LILRB4: variants seen among roughly 807,000 people sequenced by gnomAD.
LILRB4 encodes the protein leukocyte immunoglobulin-like receptor subfamily B member 4.
A neutral mutation model predicts 55.2 loss-of-function variants in LILRB4; 49 were observed. The observed-to-expected ratio is 0.89, with a 90% CI of 0.71 to 1.13. The LOEUF (loss-of-function observed/expected upper bound fraction) is 1.13, where lower values mean the gene tolerates loss of function less well. LILRB4 is among the 50% of genes most tolerant of loss of function. The pLI, the probability that LILRB4 is intolerant of heterozygous loss-of-function variation, is 0.00. For synonymous variants in LILRB4, 229 were observed against 213.8 expected (o/e 1.07, Z -0.62); for missense variants, 590 against 555.2 (o/e 1.06, Z -0.63).
In LILRB4 at chr19:54,666,113, TA is replaced by T; in HGVS notation, c.875-124del. 2 of 1,265,226 alleles carry T rather than the reference TA, an allele frequency of 1.6e-6. No homozygotes were observed. Among genetic ancestry groups the T allele is most frequent in the Non-Finnish European group, 2.2e-6 (2 of 909,006 alleles). The allele number at this position is 1,265,226 out of a possible 1,614,324, so 78.4% of individuals were successfully genotyped here. On this transcript the variant is annotated intron_variant, in intron 7 of 11. Coordinates refer to ENST00000430952, the Ensembl canonical transcript of LILRB4. This position sits in a 1 kb window ranked among gnomAD's most constrained non-coding sequence, Gnocchi z 4.8. ...AAGTGCTTTATTCTTTCGGTTTTTCTAAACTTAGAAAGTATTTAAAACATCC... is the reference window on the plus strand; with the variant it reads ...AAGTGCTTTATTCTTTCGGTTTTTCTAACTTAGAAAGTATTTAAAACATCC...
chr19:54,665,075 G>A lies in LILRB4; in HGVS notation c.707-55G>A, dbSNP rs749855180. ...GAAGGAGATGTTGCGGGGAGAAGCC[G>A]AGCTGATGTGGGGAGCAGGGCAGCC... On this transcript the variant is annotated intron_variant, in intron 5 of 11. Coordinates refer to ENST00000430952, the Ensembl canonical transcript of LILRB4. This position sits in a 1 kb window ranked among gnomAD's most constrained non-coding sequence, Gnocchi z 5.5. 1.6e-5 allele frequency: 25 copies of A among 1,599,084 alleles called. No homozygotes were observed. The highest frequency in any genetic ancestry group is 6.7e-5 in the South Asian group (6 of 90,210).
chr19:54,664,345 G>A (rs746919447), exon 4 of LILRB4: 45 of 1,613,980 alleles, frequency 2.8e-5, no homozygotes, highest in South Asian at 5.5e-5. Flanking sequence ...TCAGAGCACG[G>A]AGCTCAGCAG....
At position 54,666,836 on chromosome 19, in the gene LILRB4, C is replaced by T; in HGVS notation, c.1041+87C>T. On this transcript the variant is annotated intron_variant, in intron 10 of 11. Coordinates refer to ENST00000430952, the Ensembl canonical transcript of LILRB4. This position sits in a 1 kb window ranked among gnomAD's most constrained non-coding sequence, Gnocchi z 4.8. Reference sequence around the variant, plus strand: ...GACTTCTCTGTCCTCCTTCCCCCGGCTCTCAGCATCGTCACGGTGGACCCC... The same window carrying T: ...GACTTCTCTGTCCTCCTTCCCCCGGTTCTCAGCATCGTCACGGTGGACCCC... 1 of 1,303,448 alleles carries T rather than the reference C, an allele frequency of 7.7e-7. No homozygotes were observed. The allele number at this position is 1,303,448 out of a possible 1,614,324, so 80.7% of individuals were successfully genotyped here.
At chr19:54,664,803 C>T (rs2065189990) in exon 5 of LILRB4, 1 of 1,591,974 alleles carries the variant, frequency 6.3e-7, no homozygotes, top group East Asian at 2.2e-5. Context: ...ACCCAGGATC[C>T]TTGGAGGGTC....
exon 12 of LILRB4, chr19:54,668,268 A>G: frequency 2.0e-6 from 1 of 498,236 alleles, no homozygotes; most frequent in African/African-American, 1.9e-5. Flanking sequence ...GAAGTCAGAC[A>G]ATGTTTTAAA....
rs908266342 is a variant in LILRB4 at position 54,664,779 on chromosome 19, C to T, written c.656-20C>T. On this transcript the variant is annotated intron_variant, in intron 4 of 11. Coordinates refer to ENST00000430952, the Ensembl canonical transcript of LILRB4. ...AAGGGCAACCCCAGACTCTCACCCT[C>T]CTCTTGTCCTTCTACCCAGGATCCT... 6.4e-7 allele frequency: 1 copy of T among 1,556,780 alleles called. No homozygotes were observed. Among genetic ancestry groups the T allele is most frequent in the Non-Finnish European group, 8.7e-7 (1 of 1,148,986 alleles).
In LILRB4 at chr19:54,667,514, G is replaced by C. The variant is rs925542608; in HGVS notation, c.1042-124G>C. 3 of 1,533,438 alleles carry C rather than the reference G, an allele frequency of 2.0e-6. No homozygotes were observed. In the South Asian group the frequency reaches 3.9e-5, roughly 20 times the overall value. 95.0% of individuals were successfully genotyped at this position (1,533,438 alleles called of 1,614,324 possible). A position where few individuals can be genotyped will look rare whatever the true frequency, so the allele number is the denominator to read the frequency against. On this transcript the variant is annotated intron_variant, in intron 10 of 11. Transcript: ENST00000430952. ...GCGGCCAGACCCTCCACGGCCTTAG[G>C]GCATCCCTGAGATTCCGTCAGGAAA...
At chr19:54,667,180 A>G in intron 10 of LILRB4, 2 of 551,894 alleles carry the variant, frequency 3.6e-6, no homozygotes, top group Non-Finnish European at 7.1e-6. Context: ...GGGAGACAAA[A>G]TGCAAATAAA....
chr19:54,665,213 G>A lies in LILRB4; in HGVS notation c.757+33G>A. Reference sequence around the variant, plus strand: ...AGGGGCTCTGAGTGGGAGGTGGGCAGGGTCTAGGGGAGCCAAGGGTGGGTT... The same window carrying A: ...AGGGGCTCTGAGTGGGAGGTGGGCAAGGTCTAGGGGAGCCAAGGGTGGGTT... On this transcript the variant is annotated intron_variant, in intron 6 of 11. Coordinates refer to ENST00000430952, the Ensembl canonical transcript of LILRB4. The surrounding 1 kb of genome is among the most constrained non-coding windows in gnomAD (Gnocchi z 5.5). 1 of 1,569,968 alleles carries A rather than the reference G, an allele frequency of 6.4e-7. No homozygotes were observed. The highest frequency in any genetic ancestry group is 8.7e-7 in the Non-Finnish European group (1 of 1,155,232).
rs762455976 is a variant in LILRB4, at chr19:54,666,203, C to G, written c.875-37C>G. The G allele has an allele frequency of 1.3e-6, 2 of 1,538,000 alleles. No homozygotes were observed. Among genetic ancestry groups the G allele is most frequent in the Non-Finnish European group, 1.7e-6 (2 of 1,143,382 alleles). On this transcript the variant is annotated intron_variant, in intron 7 of 11. Coordinates refer to ENST00000430952, the Ensembl canonical transcript of LILRB4. This position sits in a 1 kb window ranked among gnomAD's most constrained non-coding sequence, Gnocchi z 4.8. ...GCATGTGCAAGGCAGGTGGTTCTAA[C>G]GTTCCCAGAGCTGAGACTCTGTCCA...
chr19:54,663,530 A>G lies in LILRB4; in HGVS notation c.35-2A>G. 6.2e-7 allele frequency: 1 copy of G among 1,612,252 alleles called. No individual in the cohort carries two copies. Among genetic ancestry groups the G allele is most frequent in the Middle Eastern group, 1.8e-4 (1 of 5,602 alleles). On this transcript the variant is annotated splice_acceptor_variant, in intron 1 of 11. Coordinates refer to ENST00000430952, the Ensembl canonical transcript of LILRB4. LOFTEE classifies it high-confidence loss of function. ...AATCCCTCACAGGGAACTCTCTTCC[A>G]GGGCTGAGTCTGGGCCCCAGGACCC...
rs1481157204 is a variant in LILRB4 at position 54,666,318 on chromosome 19, A to G, written c.950+3A>G. On this transcript the variant is annotated splice_donor_region_variant and intron_variant, in intron 8 of 11. Transcript: ENST00000430952. This position sits in a 1 kb window ranked among gnomAD's most constrained non-coding sequence, Gnocchi z 4.8. ...AAGGACGGGGGCCTACAGAGGAGGT[A>G]ATTCTGCCCAAAGACCTCAGACTCC... is the stretch of plus-strand genomic sequence containing the variant. 1 of 1,609,292 alleles carries G rather than the reference A, an allele frequency of 6.2e-7. No homozygotes were observed. The highest frequency in any genetic ancestry group is 8.5e-7 in the Non-Finnish European group (1 of 1,177,532).
In LILRB4 at chr19:54,663,315, A is replaced by G. The variant is rs1236412257; in HGVS notation, c.35-217A>G. ...CAAAAAATTAGCCGGGGGTGGTTGCAGGCGCCTGTGGTCCCAGCCACTCGG... is the reference window on the plus strand; with the variant it reads ...CAAAAAATTAGCCGGGGGTGGTTGCGGGCGCCTGTGGTCCCAGCCACTCGG... On this transcript the variant is annotated intron_variant, in intron 1 of 11. Transcript: ENST00000430952. 5.3e-5 allele frequency among the ~76,000 whole-genome samples: 8 copies of G among 151,982 alleles called. No homozygotes were observed. In the South Asian group the frequency reaches 8.3e-4, roughly 16 times the overall value.
chr19:54,667,395 G>A (rs796121960), intron 10 of LILRB4: 5 of 784,412 alleles, frequency 6.4e-6, no homozygotes, highest in South Asian at 5.6e-5. Flanking sequence ...AAGGCCCCGA[G>A]GCAGCAGCGA....
At chr19:54,667,714 C>G (rs759218792) in exon 11 of LILRB4, 6 of 1,611,082 alleles carry the variant, frequency 3.7e-6, no homozygotes, top group Non-Finnish European at 3.4e-6. Flanking sequence ...GAAATGGCCT[C>G]TCCTCCCTCC....
Position 54,666,045 on chromosome 19 carries a change from G to A in LILRB4, c.874+114G>A. 7.0e-7 allele frequency: 1 copy of A among 1,427,098 alleles called. No individual in the cohort carries two copies. The highest frequency in any genetic ancestry group is 9.6e-7 in the Non-Finnish European group (1 of 1,042,196). The allele number at this position is 1,427,098 out of a possible 1,614,324, so 88.4% of individuals were successfully genotyped here. A position where few individuals can be genotyped will look rare whatever the true frequency, so the allele number is the denominator to read the frequency against. ...AGAAACTCTGCTCCAGAAATTCCCAGTGAGAAAATCTAGAAAGAAGAAAAT... is the reference window on the plus strand; with the variant it reads ...AGAAACTCTGCTCCAGAAATTCCCAATGAGAAAATCTAGAAAGAAGAAAAT... On this transcript the variant is annotated intron_variant, in intron 7 of 11. Coordinates refer to ENST00000430952, the Ensembl canonical transcript of LILRB4. The surrounding 1 kb of genome is among the most constrained non-coding windows in gnomAD (Gnocchi z 4.8).
chr19:54,663,073 A>G lies in LILRB4; in HGVS notation c.34+6A>G. 1 of 1,611,640 alleles carries G rather than the reference A, an allele frequency of 6.2e-7. No homozygotes were observed. Among genetic ancestry groups the G allele is most frequent in the Non-Finnish European group, 8.5e-7 (1 of 1,178,650 alleles). ...CACGGCTCTGCTCTGCCTCGGTGAG[A>G]TTTAAAGAGGGGGAGGGGAGACCCG... On this transcript the variant is annotated splice_donor_region_variant and intron_variant, in intron 1 of 11. Coordinates refer to ENST00000430952, the Ensembl canonical transcript of LILRB4.
At chr19:54,667,896 G>A in exon 12 of LILRB4, 1 of 1,592,458 alleles carries the variant, frequency 6.3e-7, no homozygotes, top group Non-Finnish European at 8.5e-7. Flanking sequence ...AAGCCCCCCA[G>A]GATGTGACCT....
chr19:54,663,394 C>T (rs375682071), intron 1 of LILRB4, 138 bp from the exon 2 acceptor site: 15 of 1,312,898 alleles, frequency 1.1e-5, no homozygotes, highest in African/African-American at 4.8e-5. Context: ...TGCAGTGAGC[C>T]AAGATCGCAC....
Sources: allele counts gnomAD v4.1 joint callset (sites outside exome capture counted in the v4.1 genomes callset), GRCh38; gene constraint gnomAD v4.1.1; non-coding constraint Gnocchi (gnomAD v3.1); transcripts MANE v1.5; gene names NCBI Gene and HGNC (gene_info 2026-07-23, HGNC 2026-07-21).